Variants in EPB41L4A observed in about 807,000 individuals in gnomAD.
The protein encoded by EPB41L4A is band 4.1-like protein 4A.
A neutral mutation model predicts 108.6 loss-of-function variants in EPB41L4A; 100 were observed. The ratio of observed to expected loss-of-function variants is 0.92; its 90% confidence interval spans 0.78 to 1.09. EPB41L4A has a LOEUF of 1.09. Ranked by LOEUF, EPB41L4A falls within the 50% of genes least tolerant of loss-of-function variation. The probability of loss-of-function intolerance (pLI) is 0.00; values close to 1 mark genes in which losing one functional copy is unlikely to be tolerated. For missense variants in EPB41L4A, 1,030 were observed against 842.7 expected (o/e 1.22, Z -2.75); for synonymous variants, 319 against 289.0 (o/e 1.10, Z -1.05).
chr5:112,315,957 C>A (rs75415287), intron 1 of EPB41L4A, among the ~76,000 whole-genome samples: 17,876 of 152,118 alleles, frequency 0.12, 1,352 homozygotes, highest in East Asian at 0.35. Flanking sequence ...AGAGTAAATG[C>A]CTATTACATA....
At chr5:112,360,342 T>A (rs1758640224) in intron 1 of EPB41L4A, among the ~76,000 whole-genome samples, 1 of 152,238 alleles carries the variant, frequency 6.6e-6, no homozygotes, top group Non-Finnish European at 1.5e-5. Context: ...TGGACTGTAC[T>A]GCCGCCATCT....
At chr5:112,170,921 A>G (rs758243851) in intron 19 of EPB41L4A, 24 bp downstream of exon 19, 40 of 1,606,894 alleles carry the variant, frequency 2.5e-5, no homozygotes, top group African/African-American at 4.0e-5. Context: ...TTTTAAAACA[A>G]TAAGAAAGAA....
At chr5:112,160,285 G>A (rs901958542), downstream of EPB41L4A, among the ~76,000 whole-genome samples, 5 of 152,068 alleles carry the variant, frequency 3.3e-5, no homozygotes, top group African/African-American at 1.2e-4. Flanking sequence ...ATCGGACAGC[G>A]CTACCCTATG....
downstream of EPB41L4A, among the ~76,000 whole-genome samples, chr5:112,159,901 CTTT>C (rs540095907): frequency 2.8e-3 from 364 of 130,330 alleles, 4 homozygotes; most frequent in African/African-American, 9.4e-3. Context: ...TTTCTTTTTA[CTTT>C]TTTTTTTTTT....
At chr5:112,251,978 G>A (rs763455989) in intron 9 of EPB41L4A, among the ~76,000 whole-genome samples, 7 of 152,180 alleles carry the variant, frequency 4.6e-5, no homozygotes, top group Non-Finnish European at 1.5e-5. Flanking sequence ...GCAAACAATT[G>A]TCCACTTTAG....
At chr5:112,276,686 A>T (rs1752648923) in intron 3 of EPB41L4A, among the ~76,000 whole-genome samples, 1 of 152,250 alleles carries the variant, frequency 6.6e-6, no homozygotes, top group African/African-American at 2.4e-5. Context: ...CTGAATAAAT[A>T]AAGTCACAAA....
intron 4 of EPB41L4A, 115 bp from the exon 5 acceptor site, chr5:112,266,445 C>T: frequency 1.5e-6 from 1 of 677,652 alleles, no homozygotes; most frequent in South Asian, 2.1e-5. Context: ...ATAAAGTCAC[C>T]CCCCATTCTT....
At chr5:112,280,234 C>T (rs780991038) in intron 3 of EPB41L4A, 38 bp downstream of exon 3, 16 of 1,589,478 alleles carry the variant, frequency 1.0e-5, no homozygotes, top group Admixed American at 3.3e-5. Context: ...TCATCGTTTT[C>T]AAGCCACCCT....
Position 112,275,328 on chromosome 5 carries a change from G to A in EPB41L4A, c.333C>T (p.Thr111=). Residue 111 remains threonine (T), a splice_region_variant and synonymous_variant, in exon 4 of 23, where the codon ACC becomes ACT. Transcript: ENST00000261486. ...EDPCKLKEEI[T]RYQFFLQVKQ... ...CAAAAACAAAGTCAATACTATACCTGGTTATTTCTTCTTTAAGTTTACATG... is the reference window on the plus strand; with the variant it reads ...CAAAAACAAAGTCAATACTATACCTAGTTATTTCTTCTTTAAGTTTACATG... The A allele has an allele frequency of 6.5e-7, 1 of 1,548,304 alleles. No individual in the cohort carries two copies. The highest frequency in any genetic ancestry group is 8.8e-7 in the Non-Finnish European group (1 of 1,140,462).
chr5:112,188,977 G>T (rs1314064469), intron 17 of EPB41L4A, among the ~76,000 whole-genome samples: 1 of 152,110 alleles, frequency 6.6e-6, no homozygotes, highest in African/African-American at 2.4e-5. Context: ...ACAGAAATGT[G>T]CTTCCTCATT....
chr5:112,377,783 A>G (rs1759908510), intron 1 of EPB41L4A, among the ~76,000 whole-genome samples: 1 of 152,104 alleles, frequency 6.6e-6, no homozygotes, highest in African/African-American at 2.4e-5. Flanking sequence ...CTCTCTTCCC[A>G]GTACCATTAC....
chr5:112,215,667 G>C (rs765055226), intron 12 of EPB41L4A, among the ~76,000 whole-genome samples: 1 of 148,616 alleles, frequency 6.7e-6, no homozygotes, highest in Non-Finnish European at 1.5e-5. Flanking sequence ...GGAGGGTGAG[G>C]CAGGAGAATG....
intron 18 of EPB41L4A, among the ~76,000 whole-genome samples, chr5:112,180,510 A>T (rs1761092628): frequency 1.3e-5 from 2 of 152,172 alleles, no homozygotes; most frequent in African/African-American, 2.4e-5. Context: ...TACAGGAAAA[A>T]CACCTCTCAA....
At chr5:112,395,127 A>G (rs1161421765) in intron 1 of EPB41L4A, among the ~76,000 whole-genome samples, 1 of 152,254 alleles carries the variant, frequency 6.6e-6, no homozygotes, top group East Asian at 1.9e-4. Flanking sequence ...TGTTAGCCCT[A>G]AAACCATACG....
At chr5:112,178,234 G>T (rs1301221632) in intron 18 of EPB41L4A, among the ~76,000 whole-genome samples, 1 of 152,076 alleles carries the variant, frequency 6.6e-6, no homozygotes, top group Admixed American at 6.5e-5. Flanking sequence ...AGAATAAAGG[G>T]TCATCAGTTC....
intron 1 of EPB41L4A, among the ~76,000 whole-genome samples, chr5:112,347,015 C>G (rs1757722292): frequency 3.9e-5 from 6 of 152,138 alleles, no homozygotes; most frequent in Admixed American, 3.9e-4. Flanking sequence ...ATATCTGACC[C>G]TAAAAGCCAA....
At chr5:112,201,380 C>G (rs78710330) in intron 15 of EPB41L4A, among the ~76,000 whole-genome samples, 37 of 152,202 alleles carry the variant, frequency 2.4e-4, no homozygotes, top group Middle Eastern at 3.4e-3. Context: ...AGGAAGCCAG[C>G]GGAAAATGAA....
Position 112,259,230 on chromosome 5 carries a change from T to A in EPB41L4A, c.794A>T (p.Asp265Val), listed in dbSNP as rs1751325207. The A allele has an allele frequency of 3.1e-6, 5 of 1,612,656 alleles. No homozygotes were observed. Among genetic ancestry groups the A allele is most frequent in the Admixed American group, 3.3e-5 (2 of 59,990 alleles). ...TQFELRVLGK[D>V]CNETSFFFEA... ...TAAGCTAAGGGCTTGGAAACTTACA[T>A]CTTTTCCCAGTACTCTGAGTTCAAA... The change falls in exon 9 of 23, where the codon GAT becomes GTT. Residue 265 changes from aspartate (D) to valine (V), a missense_variant and splice_region_variant. Transcript: ENST00000261486.
chr5:112,169,852 C>T (rs1760472269), intron 20 of EPB41L4A, among the ~76,000 whole-genome samples: 1 of 152,140 alleles, frequency 6.6e-6, no homozygotes, highest in Admixed American at 6.5e-5. Flanking sequence ...ACACAGTCAA[C>T]AGGTACGGTT....
Sources: gnomAD v4.1 joint callset for allele counts (sites outside exome capture counted in the v4.1 genomes callset) on GRCh38, gnomAD v4.1.1 for gene constraint, MANE v1.5 for transcripts, NCBI Gene and HGNC (gene_info 2026-07-23, HGNC 2026-07-21) for gene names.